Variants in PGK1 observed in about 807,000 individuals in gnomAD.
PGK1 encodes phosphoglycerate kinase 1.
In PGK1, 3 loss-of-function variants were observed where a neutral mutation model predicts 26.9. The observed-to-expected ratio is 0.11, with a 90% confidence interval of 0.05 to 0.29. The LOEUF (loss-of-function observed/expected upper bound fraction) is 0.29. PGK1 is among the 10% of genes least tolerant of loss of function. PGK1 has a pLI of 1.00. For synonymous variants in PGK1, 125 were observed against 115.3 expected (o/e 1.08, Z -0.54); for missense variants, 270 against 314.7 (o/e 0.86, Z 1.07).
intron 5 of PGK1, 64 bp from the exon 6 acceptor site, chrX:78,117,987 G>A (rs782462747): frequency 2.3e-5 from 24 of 1,042,708 alleles, no homozygotes; most frequent in Admixed American, 1.3e-4. Context: ...TAAGGAGCTG[G>A]CCTCTAGGAC....
Position 78,109,768 on chromosome X carries a change from T to G in PGK1, c.66-99T>G. On this transcript the variant is annotated intron_variant, in intron 1 of 10. Transcript: ENST00000373316. ...GCCACTGATTATTTTTAAGATGAGA[T>G]TTGAATTTCTGACTTATTTAACTGG... The G allele has an allele frequency of 6.5e-6, 4 of 619,701 alleles. 1 individual carries two copies. The Middle Eastern group carries it at 1.2e-3, about 190-fold the overall frequency. 51.1% of individuals were successfully genotyped at this position (619,701 alleles called of 1,213,427 possible).
At chrX:78,104,803 G>A (rs1321756389) in intron 1 of PGK1, among the ~76,000 whole-genome samples, 1 of 111,668 alleles carries the variant, frequency 9.0e-6, no homozygotes, top group Non-Finnish European at 1.9e-5. Context: ...CTTCCCCCAC[G>A]CTCCTAGACC....
At chrX:78,124,850 T>C in intron 8 of PGK1, 24 bp from the exon 9 acceptor site, 2 of 1,194,433 alleles carry the variant, frequency 1.7e-6, no homozygotes, top group Non-Finnish European at 2.3e-6. Flanking sequence ...ATAGCTCATC[T>C]TCTCTTTCAC....
At chrX:78,114,291 C>T (rs781964176) in intron 4 of PGK1, 131 bp downstream of exon 4, 5 of 656,930 alleles carry the variant, frequency 7.6e-6, no homozygotes, top group Non-Finnish European at 1.2e-5. Context: ...GCCGACACAG[C>T]TTGATGGGTT....
At position 78,121,805 on chromosome X, in the gene PGK1, G is replaced by T. The variant is rs189661227; in HGVS notation, c.642-1030G>T. ...GGGTAGGGATCTTTCTGTTGCCTTT[G>T]CCCTGTGATGTTTCTCAAAGACCTA... On this transcript the variant is annotated intron_variant, in intron 6 of 10. Coordinates refer to ENST00000373316, the MANE Select transcript of PGK1 (RefSeq NM_000291.4). Among the ~76,000 whole-genome samples the T allele has an allele frequency of 3.6e-3, 408 of 112,162 alleles. 1 individual carries two copies. The highest frequency in any genetic ancestry group is 0.013 in the African/African-American group (393 of 30,836).
At chrX:78,120,863 C>T (rs1181639067) in intron 6 of PGK1, among the ~76,000 whole-genome samples, 2 of 112,091 alleles carry the variant, frequency 1.8e-5, no homozygotes, top group African/African-American at 6.5e-5. Context: ...TATCTTTTAT[C>T]TGAAATGCTT....
intron 5 of PGK1, 71 bp from the exon 6 acceptor site, chrX:78,117,980 G>T: frequency 3.0e-6 from 3 of 1,007,631 alleles, no homozygotes; most frequent in South Asian, 3.8e-5. Flanking sequence ...TTAGTGATAA[G>T]GAGCTGGCCT....
chrX:78,112,278 CAG>C lies in PGK1; in HGVS notation c.117-1461_117-1460del, dbSNP rs201329195. ...CATTAGAATTTCACTTCCATGAGAA[CAG>C]AGAGTTTTTAAAAAAGTTTTCTGTT... is the stretch of plus-strand genomic sequence containing the variant. On this transcript the variant is annotated intron_variant, in intron 2 of 10. Transcript: ENST00000373316. 8.5e-3 allele frequency among the ~76,000 whole-genome samples: 947 copies of C among 112,063 alleles called. 4 individuals are homozygous for C. The highest frequency in any genetic ancestry group is 0.015 in the Non-Finnish European group (777 of 53,198).
At chrX:78,123,014 T>A in intron 7 of PGK1, 65 bp downstream of exon 7, 1 of 788,709 alleles carries the variant, frequency 1.3e-6, no homozygotes, top group Non-Finnish European at 2.0e-6. Context: ...TGTATAAATG[T>A]AAAAAGAAAA....
Position 78,123,356 on chromosome X carries a change from C to T in PGK1, c.918C>T (p.Gly306=), listed in dbSNP as rs1557248255. 1.7e-6 allele frequency: 2 copies of T among 1,208,137 alleles called. No homozygotes were observed. The highest frequency in any genetic ancestry group is 2.2e-6 in the Non-Finnish European group (2 of 892,390). ...CTGGCCAAGCCACTGTGGCTTCTGGCATACCTGCTGGCTGGATGGTGAGTC... is the reference window on the plus strand; with the variant it reads ...CTGGCCAAGCCACTGTGGCTTCTGGTATACCTGCTGGCTGGATGGTGAGTC... ...AKTGQATVAS[G]IPAGWMGLDC... Residue 306 remains glycine, a synonymous_variant, in exon 8 of 11, where the codon GGC becomes GGT. Transcript: ENST00000373316.
chrX:78,105,094 C>T (rs1200798566), intron 1 of PGK1, among the ~76,000 whole-genome samples: 1 of 112,355 alleles, frequency 8.9e-6, no homozygotes, highest in Non-Finnish European at 1.9e-5. Flanking sequence ...TGTGGCTGCT[C>T]ATACTTGCTG....
At position 78,118,234 on chromosome X, in the gene PGK1, G is replaced by C. The variant is rs2078335959; in HGVS notation, c.641+64G>C. The C allele has an allele frequency of 4.4e-6, 5 of 1,134,303 alleles. No individual in the cohort carries two copies. In the East Asian group the frequency reaches 1.2e-4, roughly 27 times the overall value. 93.5% of individuals were successfully genotyped at this position (1,134,303 alleles called of 1,213,427 possible). On this transcript the variant is annotated intron_variant, in intron 6 of 10. Transcript: ENST00000373316. Reference sequence around the variant, plus strand: ...TTGCCTGGTAGTAGGCCATAACTTGGGTGGTTTATTGTCATATAGCTCAGT... The same window carrying C: ...TTGCCTGGTAGTAGGCCATAACTTGCGTGGTTTATTGTCATATAGCTCAGT...
chrX:78,125,370 G>C lies in PGK1; in HGVS notation c.1158G>C (p.Glu386Asp). ...TATCCAKWNTEDKVSHVSTGG... is the reference protein window; with the variant it reads ...TATCCAKWNTDDKVSHVSTGG... The stretch of plus-strand genomic sequence containing the variant: ...CTTGCTGTGCCAAATGGAACACGGA[G>C]GATAAAGTCAGCCATGTGAGCACTG... The change falls in exon 10 of 11, where the codon GAG becomes GAC. Residue 386 changes from glutamate to aspartate, a missense_variant. Transcript: ENST00000373316. 1 of 1,208,957 alleles carries C rather than the reference G, an allele frequency of 8.3e-7. No homozygotes were observed. The highest frequency in any genetic ancestry group is 3.0e-5 in the East Asian group (1 of 33,831).
intron 2 of PGK1, among the ~76,000 whole-genome samples, chrX:78,112,667 A>G (rs1296424378): frequency 1.8e-5 from 2 of 111,968 alleles, no homozygotes; most frequent in Non-Finnish European, 3.8e-5. Flanking sequence ...TGTATTTTCC[A>G]TAGTCATATA....
intron 1 of PGK1, among the ~76,000 whole-genome samples, chrX:78,105,183 C>A (rs1238862298): frequency 8.9e-6 from 1 of 112,400 alleles, no homozygotes; most frequent in Admixed American, 9.3e-5. Flanking sequence ...CACTTTGGGT[C>A]TCTTACTCTG....
rs1220138590 is a variant in PGK1, at chrX:78,127,615, A to C, written c.*1785A>C. 1 of 111,968 alleles carries C rather than the reference A, an allele frequency of 8.9e-6. No individual in the cohort carries two copies. The highest frequency in any genetic ancestry group is 1.9e-5 in the Non-Finnish European group (1 of 53,221). The allele number at this position is 111,968 out of a possible 1,213,427, so 9.2% of individuals were successfully genotyped here. Reference sequence around the variant, plus strand: ...CTTTTCCAATGTGCCTCCGTCCCTGACATGATGCTTCTAGGCTATAGATGC... The same window carrying C: ...CTTTTCCAATGTGCCTCCGTCCCTGCCATGATGCTTCTAGGCTATAGATGC... On this transcript the variant is annotated 3_prime_UTR_variant, in exon 11 of 11. Transcript: ENST00000373316.
At chrX:78,122,369 A>G (rs994754848) in intron 6 of PGK1, among the ~76,000 whole-genome samples, 4 of 108,837 alleles carry the variant, frequency 3.7e-5, no homozygotes, top group Non-Finnish European at 5.7e-5. Context: ...ACAATTAGCA[A>G]TCGTGCTTAG....
At chrX:78,109,531 GT>G (rs1377249466) in intron 1 of PGK1, among the ~76,000 whole-genome samples, 2 of 106,447 alleles carry the variant, frequency 1.9e-5, no homozygotes, top group African/African-American at 6.8e-5. Flanking sequence ...TTTAAGTTAG[GT>G]TTTTTTTTTA....
Position 78,125,837 on chromosome X carries a change from C to G in PGK1, c.*7C>G, listed in dbSNP as rs781848681. ...TGCTCTCAGCAATATTTAGTACTTT[C>G]CTGCCTTTTAGTTCCTGTGCACAGC... On this transcript the variant is annotated 3_prime_UTR_variant, in exon 11 of 11. Transcript: ENST00000373316. 4.2e-6 allele frequency: 5 copies of G among 1,189,873 alleles called. No homozygotes were observed. The highest frequency in any genetic ancestry group is 4.6e-6 in the Non-Finnish European group (4 of 875,596).
Sources: gnomAD v4.1 joint callset for allele counts (sites outside exome capture counted in the v4.1 genomes callset) on GRCh38, gnomAD v4.1.1 for gene constraint, MANE v1.5 for transcripts, NCBI Gene and HGNC (gene_info 2026-07-23, HGNC 2026-07-21) for gene names.